Variants in ZNF571 observed in about 807,000 individuals in gnomAD.
The protein encoded by ZNF571 is zinc finger protein 571.
In ZNF571, 4 loss-of-function variants were observed where a neutral mutation model predicts 7.7. The observed-to-expected ratio is 0.52, with a 90% CI of 0.25 to 1.18. The LOEUF (loss-of-function observed/expected upper bound fraction) is 1.18, where lower values mean the gene tolerates loss of function less well. ZNF571 is among the 50% of genes most tolerant of loss of function. The pLI is 0.14. For synonymous variants in ZNF571, 251 were observed against 232.4 expected (o/e 1.08, Z -0.73); for missense variants, 704 against 726.9 (o/e 0.97, Z 0.36).
intron 1 of ZNF571, among the ~76,000 whole-genome samples, chr19:37,590,654 GCAAA>G (rs948426985): frequency 6.6e-6 from 1 of 152,072 alleles, no homozygotes; most frequent in African/African-American, 2.4e-5. Context: ...GAGAGAATTA[GCAAA>G]CAAAAAAGCA....
chr19:37,578,663 C>T (rs55909413), intron 3 of ZNF571, among the ~76,000 whole-genome samples: 40,476 of 151,988 alleles, frequency 0.27, 6,390 homozygotes, highest in Non-Finnish European at 0.37. Context: ...CTGAGCTCCC[C>T]AGCACAGCGA....
Position 37,564,440 on chromosome 19 carries a change from AG to A in ZNF571, c.*157del. ...TATTCTAGCGTTTATAGAGATGTTA[AG>A]GAATTATTTAAGGGGTTTCTGAAAT... is the stretch of plus-strand genomic sequence containing the variant. On this transcript the variant is annotated 3_prime_UTR_variant, in exon 4 of 4. Transcript: ENST00000451802. 1.9e-6 allele frequency: 1 copy of A among 525,064 alleles called. No individual in the cohort carries two copies. Among genetic ancestry groups the A allele is most frequent in the Non-Finnish European group, 3.1e-6 (1 of 322,128 alleles). The allele number at this position is 525,064 out of a possible 1,614,324, so 32.5% of individuals were successfully genotyped here. A position where few individuals can be genotyped will look rare whatever the true frequency, so the allele number is the denominator to read the frequency against.
chr19:37,586,314 C>A, intron 2 of ZNF571: 1 of 205,414 alleles, frequency 4.9e-6, no homozygotes, highest in Non-Finnish European at 9.7e-6. Context: ...TAGAGAAGAT[C>A]AAATTTTGTC....
intron 3 of ZNF571, chr19:37,567,664 C>T (rs1228667539): frequency 6.6e-6 from 1 of 152,110 alleles, no homozygotes; most frequent in Non-Finnish European, 1.5e-5. Context: ...TCAAAGTGGC[C>T]ACCTCCTTTG....
chr19:37,571,557 T>C (rs1451439644), intron 3 of ZNF571, among the ~76,000 whole-genome samples: 1 of 152,104 alleles, frequency 6.6e-6, no homozygotes, highest in African/African-American at 2.4e-5. Flanking sequence ...AGCCAAACCA[T>C]ACACAAGGTT....
chr19:37,570,955 A>G (rs1430018455), intron 3 of ZNF571, among the ~76,000 whole-genome samples: 1 of 152,192 alleles, frequency 6.6e-6, no homozygotes, highest in Non-Finnish European at 1.5e-5. Flanking sequence ...GCTGTGGTGT[A>G]ATACAAATTA....
chr19:37,576,951 C>G (rs1270430957), intron 3 of ZNF571, among the ~76,000 whole-genome samples: 5 of 152,128 alleles, frequency 3.3e-5, no homozygotes, highest in Admixed American at 1.3e-4. Flanking sequence ...ACCTCACTAT[C>G]TCTTGCTAAT....
intron 3 of ZNF571, among the ~76,000 whole-genome samples, chr19:37,580,336 A>G (rs1364549383): frequency 1.3e-5 from 2 of 152,202 alleles, no homozygotes; most frequent in Non-Finnish European, 2.9e-5. Context: ...CTTCACCATC[A>G]CAGGATTTAT....
At chr19:37,583,450 C>T (rs2147196354) in intron 3 of ZNF571, 1 of 152,542 alleles carries the variant, frequency 6.6e-6, no homozygotes, top group Admixed American at 6.5e-5. Context: ...GGAACTCACA[C>T]ACATAACCTT....
At chr19:37,592,286 A>AG (rs1332862627) in intron 1 of ZNF571, among the ~76,000 whole-genome samples, 1 of 152,188 alleles carries the variant, frequency 6.6e-6, no homozygotes, top group African/African-American at 2.4e-5. Context: ...ATCAATCATA[A>AG]GTGGACGTTA....
At position 37,565,280 on chromosome 19, in the gene ZNF571, C is replaced by T. The variant is rs1600454751; in HGVS notation, c.1148G>A (p.Arg383Lys). The T allele has an allele frequency of 1.2e-6, 2 of 1,611,100 alleles. No individual in the cohort carries two copies. Among genetic ancestry groups the T allele is most frequent in the East Asian group, 4.5e-5 (2 of 44,824 alleles). ...ATAAGGTCTCTCACCTGAATGAACT[C>T]TCAGGTGGTAAGTAAGTTGTGAGCC... ...FRGSQLTYHL[R>K]VHSGERPYKC... is the part of the protein sequence containing the mutation. Residue 383 changes from arginine to lysine, a missense_variant, in exon 4 of 4, where the codon AGA (arginine) becomes AAA (lysine). By Grantham distance (26) the Arg-to-Lys change is conservative (BLOSUM62 2). Transcript: ENST00000451802.
At chr19:37,589,264 C>T (rs745370632) in intron 1 of ZNF571, among the ~76,000 whole-genome samples, 1 of 148,330 alleles carries the variant, frequency 6.7e-6, no homozygotes, top group Non-Finnish European at 1.5e-5. Context: ...TCCTTCTTAA[C>T]TTCAGAGGGG....
Position 37,564,635 on chromosome 19 carries a change from G to A in ZNF571, c.1793C>T (p.Pro598Leu). 6 of 1,565,622 alleles carry A rather than the reference G, an allele frequency of 3.8e-6. No homozygotes were observed. Among genetic ancestry groups the A allele is most frequent in the Non-Finnish European group, 5.2e-6 (6 of 1,156,582 alleles). ...CCTTGTATGTTGAGTAAGTTGTGAAGGACATCTAAAGTCTTTACCACACTG... is the reference window on the plus strand; with the variant it reads ...CCTTGTATGTTGAGTAAGTTGTGAAAGACATCTAAAGTCTTTACCACACTG... ...CVQCGKDFRC[P>L]SQLTQHTRLH... Residue 598 changes from proline to leucine, a missense_variant, in exon 4 of 4, where the codon CCT becomes CTT. Pro to Leu is a moderately conservative substitution (Grantham distance 98). Coordinates refer to ENST00000451802, the MANE Select transcript of ZNF571 (RefSeq NM_016536.5).
intron 1 of ZNF571, among the ~76,000 whole-genome samples, chr19:37,590,456 T>C (rs990258822): frequency 1.1e-4 from 16 of 151,908 alleles, no homozygotes; most frequent in African/African-American, 3.6e-4. Context: ...AAGGACAAAA[T>C]TGTAACAATT....
At chr19:37,582,211 A>C (rs2043495584) in intron 3 of ZNF571, among the ~76,000 whole-genome samples, 2 of 152,180 alleles carry the variant, frequency 1.3e-5, no homozygotes, top group African/African-American at 4.8e-5. Flanking sequence ...TAAATACTCC[A>C]CAATGAGGTT....
rs892601125 is a variant in ZNF571, at chr19:37,569,251, C to T, written c.137-2960G>A. Among the ~76,000 whole-genome samples, 1 of 152,032 alleles carries T rather than the reference C, an allele frequency of 6.6e-6. No individual in the cohort carries two copies. The highest frequency in any genetic ancestry group is 2.4e-5 in the African/African-American group (1 of 41,390). On this transcript the variant is annotated intron_variant, in intron 3 of 3. Transcript: ENST00000451802. This position sits in a 1 kb window ranked among gnomAD's most constrained non-coding sequence, Gnocchi z 4.4. ...TACAGGCATGAGTCACTGCGCCTGG[C>T]CCCAAAGCATCCGGAACCACAACAA...
In ZNF571 at chr19:37,565,647, TAA is replaced by T; in HGVS notation, c.779_780del (p.Phe260Ter). 6.2e-7 allele frequency: 1 copy of T among 1,613,356 alleles called. No homozygotes were observed. Among genetic ancestry groups the T allele is most frequent in the Non-Finnish European group, 8.5e-7 (1 of 1,179,724 alleles). On this transcript the variant is annotated frameshift_variant, in exon 4 of 4. Transcript: ENST00000451802. LOFTEE classifies it low-confidence loss of function (END_TRUNC). The stretch of plus-strand genomic sequence containing the variant: ...TGAAGAGTATATTGTGAACAATAAC[TAA>T]AGGCTTTTCCACATTTCTTACATTC... ...PYECKKCGKA[F>X]SYCSQYTLHQ...
Position 37,565,701 on chromosome 19 carries a change from T to C in ZNF571, c.727A>G (p.Arg243Gly). The C allele has an allele frequency of 1.2e-6, 2 of 1,613,928 alleles. No individual in the cohort carries two copies. The highest frequency in any genetic ancestry group is 1.7e-6 in the Non-Finnish European group (2 of 1,179,916). Residue 243 changes from arginine (R) to glycine (G), a missense_variant, in exon 4 of 4, where the codon AGA (arginine) becomes GGA (glycine). Arg to Gly is a moderately radical substitution (Grantham distance 125). Transcript: ENST00000451802. ...IRGSQLTEHQ[R>G]VHTGEKPYEC... The stretch of plus-strand genomic sequence containing the variant: ...TATGGTTTCTCTCCTGTATGAACTC[T>C]CTGATGTTCAGTGAGCTGTGAACCA...
At chr19:37,583,317 C>A (rs747061579) in intron 3 of ZNF571, among the ~76,000 whole-genome samples, 2 of 152,096 alleles carry the variant, frequency 1.3e-5, no homozygotes, top group Non-Finnish European at 2.9e-5. Context: ...AAACGTAATT[C>A]AAAAAATAGA....
Sources: allele counts gnomAD v4.1 joint callset (sites outside exome capture counted in the v4.1 genomes callset), GRCh38; gene constraint gnomAD v4.1.1; non-coding constraint Gnocchi (gnomAD v3.1); transcripts MANE v1.5; gene names NCBI Gene and HGNC (gene_info 2026-07-23, HGNC 2026-07-21).